The following TRAP1 variants were observed in gnomAD, a reference collection of about 807,000 sequenced individuals.
TRAP1 encodes the protein TNF receptor associated protein 1.
A neutral mutation model predicts 89.1 loss-of-function variants in TRAP1; 102 were observed. The observed-to-expected ratio is 1.15, with a 90% CI of 0.98 to 1.35. The LOEUF (loss-of-function observed/expected upper bound fraction) is 1.35, where lower values mean the gene tolerates loss of function less well. TRAP1 is among the 40% of genes most tolerant of loss of function. The probability of loss-of-function intolerance (pLI) is 0.00; values close to 1 mark genes in which losing one functional copy is unlikely to be tolerated. For missense variants in TRAP1, 1,256 were observed against 945.3 expected, an observed-to-expected ratio of 1.33 and a Z score of -4.31; for synonymous variants, 508 against 388.0, an observed-to-expected ratio of 1.31 and a Z score of -3.64.
chr16:3,699,828 G>A (rs866496212), intron 1 of TRAP1, among the ~76,000 whole-genome samples: 4 of 148,930 alleles, frequency 2.7e-5, no homozygotes, highest in Admixed American at 1.3e-4. Flanking sequence ...CCATCACACA[G>A]GACTAAATTC....
chr16:3,690,964 C>G lies in TRAP1; in HGVS notation c.110G>C (p.Arg37Pro). Reference sequence around the variant, plus strand: ...GGGGCCCAACTGGGCTGTGGTCCTCCGAGGACACAGAATTGGTTTTCCTGA... The same window carrying G: ...GGGGCCCAACTGGGCTGTGGTCCTCGGAGGACACAGAATTGGTTTTCCTGA... ...VPGGKPILCPRRTTAQLGPRR... is the reference protein window; with the variant it reads ...VPGGKPILCPPRTTAQLGPRR... Residue 37 changes from arginine to proline, a missense_variant, in exon 2 of 18, where the codon CGG becomes CCG. Coordinates refer to ENST00000246957, the MANE Select transcript of TRAP1 (RefSeq NM_016292.3). 1 of 1,539,300 alleles carries G rather than the reference C, an allele frequency of 6.5e-7. No homozygotes were observed. Among genetic ancestry groups the G allele is most frequent in the African/African-American group, 1.4e-5 (1 of 71,058 alleles).
At chr16:3,677,692 C>T in intron 5 of TRAP1, 34 bp from the exon 6 acceptor site, 2 of 1,602,856 alleles carry the variant, frequency 1.2e-6, no homozygotes, top group African/African-American at 2.7e-5. Context: ...GAGGCAGCCT[C>T]CCCTCCAGAG....
rs373945782 is a variant in TRAP1 at position 3,689,030 on chromosome 16, C to A, written c.330+25G>T. On this transcript the variant is annotated intron_variant, in intron 3 of 17. Coordinates refer to ENST00000246957, the MANE Select transcript of TRAP1 (RefSeq NM_016292.3). ...TTGTGAAAAGAAACTTTGCTAGCAT[C>A]GGGCATGGTTAGCAGGGAACGCACC... is the stretch of plus-strand genomic sequence containing the variant. 5.1e-6 allele frequency: 8 copies of A among 1,578,112 alleles called. 1 individual carries two copies. In the Admixed American group the frequency reaches 1.5e-4, roughly 29 times the overall value.
intron 9 of TRAP1, 90 bp downstream of exon 9, chr16:3,674,249 G>T (rs749028770): frequency 2.0e-6 from 3 of 1,519,718 alleles, no homozygotes; most frequent in Non-Finnish European, 1.8e-6. Context: ...CCCTCACACT[G>T]CCATGTTAAT....
At chr16:3,662,805 G>T (rs1179372818) in intron 15 of TRAP1, 77 bp downstream of exon 15, 1 of 1,423,046 alleles carries the variant, frequency 7.0e-7, no homozygotes. Context: ...AACGGGCCAG[G>T]TACTGGGAGC....
chr16:3,705,794 C>G (rs1320709380), intron 1 of TRAP1, among the ~76,000 whole-genome samples: 3 of 151,832 alleles, frequency 2.0e-5, no homozygotes, highest in African/African-American at 7.3e-5. Context: ...ATTCTCCTGC[C>G]TCAGCCTCCC....
intron 5 of TRAP1, chr16:3,678,302 C>G (rs999280299): frequency 6.6e-6 from 1 of 152,314 alleles, no homozygotes; most frequent in South Asian, 2.1e-4. Context: ...AGCTGAGGAG[C>G]ACAATGTCCC....
intron 3 of TRAP1, 70 bp from the exon 4 acceptor site, chr16:3,686,206 G>T: frequency 6.5e-7 from 1 of 1,535,760 alleles, no homozygotes. Flanking sequence ...CTGGTCAGCT[G>T]CACTTCCAAT....
At chr16:3,699,092 G>C (rs927302044) in intron 1 of TRAP1, among the ~76,000 whole-genome samples, 1 of 152,044 alleles carries the variant, frequency 6.6e-6, no homozygotes, top group African/African-American at 2.4e-5. Flanking sequence ...GGGAAGCACT[G>C]ATAGTTTGAA....
rs1381137799 is a variant in TRAP1, at chr16:3,662,103, G to A, written c.1824C>T (p.Ala608=). ...CCCCCATCTCCAGCACGGTGACCATGGCAGGGTGGGTGTCCAGTCGGAGGG... is the reference window on the plus strand; with the variant it reads ...CCCCCATCTCCAGCACGGTGACCATAGCAGGGTGGGTGTCCAGTCGGAGGG... ...KVTLRLDTHP[A]MVTVLEMGAA... The change falls in exon 16 of 18, where the codon GCC becomes GCT. Residue 608 remains alanine (A), a synonymous_variant. Coordinates refer to ENST00000246957, the MANE Select transcript of TRAP1 (RefSeq NM_016292.3). 6.2e-7 allele frequency: 1 copy of A among 1,613,032 alleles called. No individual in the cohort carries two copies. Among genetic ancestry groups the A allele is most frequent in the African/African-American group, 1.3e-5 (1 of 74,928 alleles).
intron 12 of TRAP1, chr16:3,665,105 C>G (rs374123976): frequency 6.6e-6 from 1 of 152,366 alleles, no homozygotes; most frequent in Non-Finnish European, 1.5e-5. Context: ...TAAGACATGT[C>G]ACACGTGCAC....
chr16:3,712,830 G>A lies in TRAP1; in HGVS notation c.88+4591C>T, dbSNP rs541027815. On this transcript the variant is annotated intron_variant, in intron 1 of 17. Transcript: ENST00000246957. Reference sequence around the variant, plus strand: ...GGGGTTTCGCCATGTTGGCCAGGTTGGTCTCAAATTCCTGAACTCAAGTGA... The same window carrying A: ...GGGGTTTCGCCATGTTGGCCAGGTTAGTCTCAAATTCCTGAACTCAAGTGA... Among the ~76,000 whole-genome samples, 170 of 152,272 alleles carry A rather than the reference G, an allele frequency of 1.1e-3. 2 individuals carry two copies. The highest frequency in any genetic ancestry group is 4.0e-3 in the African/African-American group (165 of 41,552).
chr16:3,717,258 C>G (rs1196148513), intron 1 of TRAP1, among the ~76,000 whole-genome samples, 163 bp downstream of exon 1: 1 of 152,232 alleles, frequency 6.6e-6, no homozygotes, highest in Non-Finnish European at 1.5e-5. Context: ...CTGGAGCTGG[C>G]GAGGAGCGGA....
At chr16:3,685,617 G>A (rs1207204951) in intron 4 of TRAP1, among the ~76,000 whole-genome samples, 1 of 152,154 alleles carries the variant, frequency 6.6e-6, no homozygotes, top group Admixed American at 6.5e-5. Context: ...GGCTACAGCA[G>A]CAGCCACAGC....
chr16:3,674,633 C>T, intron 8 of TRAP1, 139 bp from the exon 9 acceptor site: 2 of 1,008,030 alleles, frequency 2.0e-6, no homozygotes, highest in South Asian at 3.2e-5. Flanking sequence ...GGCGTAGACC[C>T]CTCTCCAGCC....
intron 1 of TRAP1, chr16:3,704,085 C>CT (rs2051406871): frequency 1.3e-5 from 2 of 152,132 alleles, no homozygotes; most frequent in South Asian, 4.2e-4. Flanking sequence ...TGCCTCACGC[C>CT]TGTAATCCCA....
At chr16:3,696,035 C>T (rs370237722) in intron 1 of TRAP1, among the ~76,000 whole-genome samples, 2 of 152,182 alleles carry the variant, frequency 1.3e-5, no homozygotes, top group Admixed American at 6.5e-5. Flanking sequence ...TGTCCACTGA[C>T]GCGTGACAGG....
chr16:3,662,808 C>T, intron 15 of TRAP1, 74 bp downstream of exon 15: 1 of 1,465,028 alleles, frequency 6.8e-7, no homozygotes, highest in Non-Finnish European at 9.5e-7. Context: ...GGGCCAGGTA[C>T]TGGGAGCCAC....
chr16:3,703,043 GAAAAAAAAAAAAAA>G (rs36093237), intron 1 of TRAP1, among the ~76,000 whole-genome samples: 1 of 43,500 alleles, frequency 2.3e-5, no homozygotes, highest in Admixed American at 3.0e-4. Flanking sequence ...ACTCCGTCTT[GAAAAAAAAAAAAAA>G]AAAAAAAAAG....
Sources: gnomAD v4.1 joint callset for allele counts (sites outside exome capture counted in the v4.1 genomes callset) on GRCh38, gnomAD v4.1.1 for gene constraint, MANE v1.5 for transcripts, NCBI Gene and HGNC (gene_info 2026-07-23, HGNC 2026-07-21) for gene names.